DGKB: variants seen among roughly 807,000 people sequenced by gnomAD.
DGKB encodes diacylglycerol kinase beta, also known as 90 kDa diacylglycerol kinase.
A neutral mutation model predicts 114.3 loss-of-function variants in DGKB; 67 were observed. The ratio of observed to expected loss-of-function variants is 0.59; its 90% CI spans 0.48 to 0.72. The LOEUF (loss-of-function observed/expected upper bound fraction) is 0.72, where lower values mean the gene tolerates loss of function less well. Ranked by LOEUF, DGKB falls within the 30% of genes least tolerant of loss-of-function variation. The probability of loss-of-function intolerance (pLI) is 0.00; values close to 1 mark genes in which losing one functional copy is unlikely to be tolerated. For synonymous variants in DGKB, 398 were observed against 323.1 expected (o/e 1.23, Z -2.49); for missense variants, 907 against 975.2 (o/e 0.93, Z 0.93).
At chr7:14,714,917 G>A (rs181163345) in intron 6 of DGKB, among the ~76,000 whole-genome samples, 156 of 152,266 alleles carry the variant, frequency 1.0e-3, no homozygotes, top group African/African-American at 3.7e-3. Context: ...GAGTAAAACA[G>A]TTTTAATTTA....
chr7:14,617,184 A>C (rs1241070728), intron 15 of DGKB, among the ~76,000 whole-genome samples: 1 of 151,560 alleles, frequency 6.6e-6, no homozygotes, highest in East Asian at 1.9e-4. Flanking sequence ...TTTTCTTCTA[A>C]TTTCTAGGTT....
chr7:14,428,501 AC>A (rs1827930170), intron 21 of DGKB, among the ~76,000 whole-genome samples: 1 of 152,052 alleles, frequency 6.6e-6, no homozygotes, highest in Non-Finnish European at 1.5e-5. Context: ...TTCTGCTCAT[AC>A]CAATATTTTT....
intron 6 of DGKB, among the ~76,000 whole-genome samples, chr7:14,705,882 C>T (rs1208077691): frequency 7.9e-5 from 12 of 152,132 alleles, no homozygotes; most frequent in Non-Finnish European, 1.5e-4. Context: ...TAAAGACCAT[C>T]GAGACTAGGA....
At chr7:14,267,642 C>A (rs1797707484) in intron 23 of DGKB, among the ~76,000 whole-genome samples, 1 of 151,966 alleles carries the variant, frequency 6.6e-6, no homozygotes, top group East Asian at 1.9e-4. Flanking sequence ...GCATGTGCCA[C>A]CATGCCCAGC....
intron 1 of DGKB, among the ~76,000 whole-genome samples, chr7:14,842,946 G>A (rs1380399124): frequency 6.6e-6 from 1 of 152,180 alleles, no homozygotes; most frequent in Non-Finnish European, 1.5e-5. Context: ...GGTGGCTAAT[G>A]CCTATAATCC....
At chr7:14,491,808 T>C (rs1192814691) in intron 20 of DGKB, among the ~76,000 whole-genome samples, 2 of 152,092 alleles carry the variant, frequency 1.3e-5, no homozygotes, top group Non-Finnish European at 2.9e-5. Context: ...TTATTTTAAC[T>C]GTCCTTTATT....
At position 14,462,691 on chromosome 7, in the gene DGKB, T is replaced by C. The variant is rs572954020; in HGVS notation, c.1835+15470A>G. 3.9e-5 allele frequency among the ~76,000 whole-genome samples: 6 copies of C among 152,270 alleles called. No homozygotes were observed. The South Asian group carries it at 1.2e-3, about 32-fold the overall frequency. ...CCAAAGTAATTTAGAGATTCAATGC[T>C]ATCCCCATCAAGCAACCATTGACTT... On this transcript the variant is annotated intron_variant, in intron 21 of 25. Transcript: ENST00000402815.
chr7:14,612,105 G>T (rs1266793284), intron 16 of DGKB, among the ~76,000 whole-genome samples: 1 of 148,652 alleles, frequency 6.7e-6, no homozygotes, highest in African/African-American at 2.4e-5. Flanking sequence ...ATCATGTTTA[G>T]AGGAGTAAAA....
intron 13 of DGKB, among the ~76,000 whole-genome samples, chr7:14,643,970 C>G (rs1454907480): frequency 6.6e-6 from 1 of 152,158 alleles, no homozygotes; most frequent in Non-Finnish European, 1.5e-5. Flanking sequence ...TCTACTGCCA[C>G]CAACACCCAT....
chr7:14,426,105 A>C (rs28579263), intron 21 of DGKB, among the ~76,000 whole-genome samples: 4,404 of 152,272 alleles, frequency 0.029, 237 homozygotes, highest in African/African-American at 0.1. Flanking sequence ...ACAGAAAATG[A>C]AAGATTTACT....
At chr7:14,312,331 T>C (rs1434560779) in intron 23 of DGKB, among the ~76,000 whole-genome samples, 2 of 152,198 alleles carry the variant, frequency 1.3e-5, no homozygotes, top group Admixed American at 1.3e-4. Flanking sequence ...ATTAATGAGG[T>C]CAAAATTATT....
At chr7:14,674,454 G>C (rs967364443) in intron 12 of DGKB, among the ~76,000 whole-genome samples, 1 of 152,130 alleles carries the variant, frequency 6.6e-6, no homozygotes, top group African/African-American at 2.4e-5. Context: ...ATTGGACCTA[G>C]TAATTAACTT....
At chr7:14,496,020 T>C (rs1003828846) in intron 20 of DGKB, among the ~76,000 whole-genome samples, 1 of 151,854 alleles carries the variant, frequency 6.6e-6, no homozygotes, top group African/African-American at 2.4e-5. Context: ...CTAATCAATA[T>C]ACTTTTTGAC....
chr7:14,417,320 A>G (rs903726280), intron 21 of DGKB, among the ~76,000 whole-genome samples: 4 of 152,044 alleles, frequency 2.6e-5, no homozygotes, highest in Non-Finnish European at 5.9e-5. Flanking sequence ...CAAAATAAAA[A>G]CTGTGAAATA....
chr7:14,219,805 T>C (rs1472289757), intron 23 of DGKB, among the ~76,000 whole-genome samples: 1 of 151,800 alleles, frequency 6.6e-6, no homozygotes, highest in Non-Finnish European at 1.5e-5. Flanking sequence ...TTTTTTCTTT[T>C]GTTGTTCATG....
chr7:14,176,844 A>C lies in DGKB; in HGVS notation c.2299T>G (p.Cys767Gly). ...IDGEPWMQTP[C>G]TIKITHKNQA... ...ATCAACTACTCTGTACTCACTGTGC[A>C]TGGGGTCTGCATCCATGGCTCCCCA... is the stretch of plus-strand genomic sequence containing the variant. The change falls in exon 25 of 26, where the codon TGC (cysteine) becomes GGC (glycine). Residue 767 changes from cysteine (C) to glycine (G), a missense_variant. Around this residue, in one of 3 missense-constraint regions of DGKB, gnomAD observed 58 missense variants for 52.5 expected, o/e 1.10. Transcript: ENST00000402815. The C allele has an allele frequency of 6.2e-7, 1 of 1,613,972 alleles. No homozygotes were observed. Among genetic ancestry groups the C allele is most frequent in the Non-Finnish European group, 8.5e-7 (1 of 1,179,848 alleles).
intron 20 of DGKB, among the ~76,000 whole-genome samples, chr7:14,487,646 G>A (rs1784021395): frequency 7.0e-6 from 1 of 142,152 alleles, no homozygotes; most frequent in South Asian, 2.3e-4. Flanking sequence ...GTGCAGTGGT[G>A]ACATTGGCTG....
intron 4 of DGKB, among the ~76,000 whole-genome samples, chr7:14,747,939 G>C (rs1408521222): frequency 6.6e-6 from 1 of 152,184 alleles, no homozygotes; most frequent in African/African-American, 2.4e-5. Flanking sequence ...AATTGGCACA[G>C]ATTCAAGGCA....
At chr7:14,579,317 A>T (rs1799596696) in intron 19 of DGKB, among the ~76,000 whole-genome samples, 1 of 152,206 alleles carries the variant, frequency 6.6e-6, no homozygotes, top group East Asian at 1.9e-4. Context: ...CACATGCTAC[A>T]GTCCTTGCCT....
Sources: allele counts gnomAD v4.1 joint callset (sites outside exome capture counted in the v4.1 genomes callset), GRCh38; gene constraint gnomAD v4.1.1; regional missense constraint gnomAD v4.1.1; transcripts MANE v1.5; gene names NCBI Gene and HGNC (gene_info 2026-07-23, HGNC 2026-07-21).